BABAM2: variants seen among roughly 807,000 people sequenced by gnomAD.
BABAM2 encodes the protein BRISC and BRCA1-A complex member 2.
A neutral mutation model predicts 54.7 loss-of-function variants in BABAM2; 31 were observed. The ratio of observed to expected loss-of-function variants is 0.57; its 90% CI spans 0.43 to 0.77. The LOEUF is 0.77. BABAM2 is among the 30% of genes least tolerant of loss of function. The pLI is 0.00. For synonymous variants in BABAM2, 167 were observed against 162.9 expected, an observed-to-expected ratio of 1.03 and a Z score of -0.19; for missense variants, 364 against 455.8, an observed-to-expected ratio of 0.80 and a Z score of 1.83.
At position 27,996,682 on chromosome 2, in the gene BABAM2, C is replaced by T. The variant is rs561435663; in HGVS notation, c.300+8595C>T. ...ACTCTGCCAAAAGCTCCAATGGTTC[C>T]TCTAAGCCTCAGCAGCAGTTTTGTG... On this transcript the variant is annotated intron_variant, in intron 4 of 11. Transcript: ENST00000379624. 2.0e-5 allele frequency among the ~76,000 whole-genome samples: 3 copies of T among 152,298 alleles called. No homozygotes were observed. The East Asian group carries it at 5.8e-4, about 29-fold the overall frequency.
intron 7 of BABAM2, among the ~76,000 whole-genome samples, chr2:28,197,735 A>T (rs1677766774): frequency 6.6e-6 from 1 of 152,216 alleles, no homozygotes; most frequent in South Asian, 2.1e-4. Flanking sequence ...CCCAGTATGT[A>T]TGACTCTTCC....
At chr2:28,088,265 C>A (rs1169416921) in intron 6 of BABAM2, among the ~76,000 whole-genome samples, 1 of 152,030 alleles carries the variant, frequency 6.6e-6, no homozygotes, top group South Asian at 2.1e-4. Flanking sequence ...ATCACTAGTA[C>A]TTACAATATT....
intron 4 of BABAM2, among the ~76,000 whole-genome samples, chr2:27,988,804 A>G (rs922163533): frequency 6.6e-6 from 1 of 152,072 alleles, no homozygotes; most frequent in African/African-American, 2.4e-5. Context: ...GTCTCTTTTT[A>G]TTTCTTCTCA....
intron 2 of BABAM2, among the ~76,000 whole-genome samples, chr2:27,927,575 A>G (rs908086511): frequency 2.0e-5 from 3 of 152,210 alleles, no homozygotes; most frequent in Admixed American, 6.5e-5. Context: ...TTTTAAAATA[A>G]CTACTGTGTT....
intron 6 of BABAM2, among the ~76,000 whole-genome samples, chr2:28,070,963 T>A (rs960892558): frequency 1.3e-5 from 2 of 152,154 alleles, no homozygotes; most frequent in African/African-American, 4.8e-5. Context: ...ACACCACCAC[T>A]TACTGTGTAA....
intron 2 of BABAM2, among the ~76,000 whole-genome samples, chr2:27,924,674 T>C (rs6745379): frequency 0.74 from 111,825 of 152,100 alleles, 42,219 homozygotes; most frequent in Middle Eastern, 0.88. Flanking sequence ...CGTGAGCCAC[T>C]GTGCCCTGCC....
intron 3 of BABAM2, among the ~76,000 whole-genome samples, chr2:27,943,483 A>G (rs984321547): frequency 9.9e-5 from 15 of 152,202 alleles, no homozygotes; most frequent in African/African-American, 3.6e-4. Context: ...ACCAAGGAAT[A>G]ATAAAATAGC....
Position 28,201,185 on chromosome 2 carries a change from G to A in BABAM2, c.681-36017G>A, listed in dbSNP as rs536069394. ...GTACATTATTGTGTGGTATTAAATTGTTTTTTATTTTTTTTAGGATTTGAC... is the reference window on the plus strand; with the variant it reads ...GTACATTATTGTGTGGTATTAAATTATTTTTTATTTTTTTTAGGATTTGAC... On this transcript the variant is annotated intron_variant, in intron 7 of 11. Transcript: ENST00000379624. Among the ~76,000 whole-genome samples the A allele has an allele frequency of 2.6e-5, 4 of 152,098 alleles. No homozygotes were observed. The East Asian group carries it at 7.7e-4, about 29-fold the overall frequency.
At chr2:28,208,850 T>G (rs1679159637) in intron 7 of BABAM2, among the ~76,000 whole-genome samples, 1 of 152,136 alleles carries the variant, frequency 6.6e-6, no homozygotes, top group Non-Finnish European at 1.5e-5. Context: ...ACCTATGACA[T>G]GTATCTAAAT....
intron 6 of BABAM2, among the ~76,000 whole-genome samples, chr2:28,063,140 T>C (rs967150649): frequency 6.6e-6 from 1 of 152,182 alleles, no homozygotes. Flanking sequence ...TCAGAGTCCT[T>C]CCTAGGACAT....
chr2:28,245,264 A>G (rs920349536), intron 10 of BABAM2, among the ~76,000 whole-genome samples: 9 of 152,150 alleles, frequency 5.9e-5, no homozygotes, highest in African/African-American at 2.2e-4. Flanking sequence ...TACCCTAAAC[A>G]GATTCTGTTT....
chr2:28,318,361 G>C (rs544438913), intron 11 of BABAM2, among the ~76,000 whole-genome samples: 97 of 152,358 alleles, frequency 6.4e-4, no homozygotes, highest in Middle Eastern at 3.4e-3. Flanking sequence ...TACATATCAT[G>C]TATGGCTGTT....
chr2:28,062,581 A>G (rs539637451), intron 6 of BABAM2, among the ~76,000 whole-genome samples: 100 of 152,056 alleles, frequency 6.6e-4, no homozygotes, highest in African/African-American at 2.4e-3. Flanking sequence ...AAACCAAAAA[A>G]AAAAAAAACA....
intron 7 of BABAM2, among the ~76,000 whole-genome samples, chr2:28,186,258 A>G (rs1334738287): frequency 6.6e-6 from 1 of 152,244 alleles, no homozygotes; most frequent in Non-Finnish European, 1.5e-5. Flanking sequence ...AAAGTAGAAT[A>G]GTGTAATGAA....
chr2:28,171,092 C>T (rs1310124589), intron 7 of BABAM2, among the ~76,000 whole-genome samples: 3 of 145,938 alleles, frequency 2.1e-5, no homozygotes, highest in South Asian at 2.3e-4. Flanking sequence ...GTACATACTA[C>T]GTTGCAGTCT....
chr2:28,025,607 A>G (rs1325220188), intron 5 of BABAM2, 187 bp downstream of exon 5: 8 of 536,798 alleles, frequency 1.5e-5, no homozygotes, highest in Non-Finnish European at 8.9e-6. Flanking sequence ...TCTCAAAGAT[A>G]TTACCTGGGA....
At chr2:27,943,199 TG>T (rs1669057697) in intron 3 of BABAM2, among the ~76,000 whole-genome samples, 1 of 152,214 alleles carries the variant, frequency 6.6e-6, no homozygotes, top group Non-Finnish European at 1.5e-5. Flanking sequence ...TAAAATTTCT[TG>T]TACTATTTAA....
intron 3 of BABAM2, among the ~76,000 whole-genome samples, chr2:27,969,703 T>G (rs924381412): frequency 1.3e-5 from 2 of 152,144 alleles, no homozygotes; most frequent in Admixed American, 6.5e-5. Context: ...GAGGAGGTTA[T>G]TTTGCTCTGC....
intron 7 of BABAM2, among the ~76,000 whole-genome samples, chr2:28,156,402 T>A (rs1460768659): frequency 6.6e-6 from 1 of 152,178 alleles, no homozygotes; most frequent in African/African-American, 2.4e-5. Context: ...CCATGTATTA[T>A]TTATATATTA....
Sources: gnomAD v4.1 joint callset for allele counts (sites outside exome capture counted in the v4.1 genomes callset) on GRCh38, gnomAD v4.1.1 for gene constraint, MANE v1.5 for transcripts, NCBI Gene and HGNC (gene_info 2026-07-23, HGNC 2026-07-21) for gene names.